Variants in PCDH15 observed in about 807,000 individuals in gnomAD.
PCDH15 encodes protocadherin-15.
PCDH15 carries 129 observed loss-of-function variants against 178.5 expected under a neutral mutation model. The observed-to-expected ratio is 0.72, with a 90% CI of 0.63 to 0.84. The LOEUF is 0.84. Among genes scored for constraint, PCDH15 ranks in the 40% least tolerant of loss-of-function variants. The pLI is 0.00. For synonymous variants in PCDH15, 800 were observed against 732.0 expected (o/e 1.09, Z -1.50); for missense variants, 2,230 against 2,099.9 (o/e 1.06, Z -1.21).
At chr10:53,949,706 A>G (rs371018360) in intron 23 of PCDH15, among the ~76,000 whole-genome samples, 136 of 152,064 alleles carry the variant, frequency 8.9e-4, no homozygotes, top group African/African-American at 3.2e-3. Flanking sequence ...CCTGGAAGAC[A>G]GAATGAGATC....
At chr10:54,199,570 C>CAATAAT (rs68082093) in intron 10 of PCDH15, among the ~76,000 whole-genome samples, 24,882 of 142,378 alleles carry the variant, frequency 0.17, 3,057 homozygotes, top group East Asian at 0.67. Context: ...ACAACAACAA[C>CAATAAT]AATAATAATA....
At chr10:53,925,845 GT>G (rs1485026662) in intron 25 of PCDH15, among the ~76,000 whole-genome samples, 1 of 152,034 alleles carries the variant, frequency 6.6e-6, no homozygotes, top group Non-Finnish European at 1.5e-5. Context: ...TCTTTGCCTG[GT>G]TTTCTCACTT....
chr10:54,336,711 C>A (rs1329947348), intron 6 of PCDH15, among the ~76,000 whole-genome samples: 1 of 152,190 alleles, frequency 6.6e-6, no homozygotes, highest in Admixed American at 6.5e-5. Context: ...TCATGGAGAA[C>A]CTCTGCTAGG....
chr10:55,073,108 A>G (rs905857166), intron 2 of PCDH15, among the ~76,000 whole-genome samples: 37 of 152,122 alleles, frequency 2.4e-4, no homozygotes, highest in African/African-American at 8.9e-4. Context: ...TCAAAATAAT[A>G]AGAGCTATCT....
At chr10:53,951,878 T>C (rs1320056607) in intron 23 of PCDH15, among the ~76,000 whole-genome samples, 1 of 152,158 alleles carries the variant, frequency 6.6e-6, no homozygotes, top group Non-Finnish European at 1.5e-5. Context: ...GGTCCACCAC[T>C]GTGCACAGCC....
At chr10:54,089,202 T>C (rs978882300) in intron 16 of PCDH15, among the ~76,000 whole-genome samples, 1 of 152,222 alleles carries the variant, frequency 6.6e-6, no homozygotes, top group African/African-American at 2.4e-5. Context: ...ATGCCCCACA[T>C]GTTCCTGAGT....
chr10:54,883,743 T>C (rs560493440), intron 3 of PCDH15, among the ~76,000 whole-genome samples: 4 of 151,628 alleles, frequency 2.6e-5, no homozygotes, highest in African/African-American at 9.7e-5. Flanking sequence ...ATGGTACATA[T>C]AATAACAAAC....
chr10:54,438,227 A>G (rs1201928354), intron 3 of PCDH15, among the ~76,000 whole-genome samples: 3 of 151,798 alleles, frequency 2.0e-5, no homozygotes, highest in African/African-American at 7.3e-5. Flanking sequence ...AATGGGGAAA[A>G]CAAGAATCAT....
chr10:55,581,669 A>C (rs1842616875), intron 2 of PCDH15, among the ~76,000 whole-genome samples: 1 of 152,192 alleles, frequency 6.6e-6, no homozygotes, highest in Non-Finnish European at 1.5e-5. Flanking sequence ...TGATGTATTA[A>C]GGTATATTAA....
At chr10:54,806,656 T>A (rs1465356492) in intron 3 of PCDH15, among the ~76,000 whole-genome samples, 2 of 152,080 alleles carry the variant, frequency 1.3e-5, no homozygotes, top group Admixed American at 6.6e-5. Flanking sequence ...GCTAATTTTT[T>A]TGTATTTTTA....
At chr10:54,448,270 A>G (rs182380619) in intron 3 of PCDH15, among the ~76,000 whole-genome samples, 26 of 151,874 alleles carry the variant, frequency 1.7e-4, no homozygotes, top group African/African-American at 4.8e-4. Context: ...TGTCTTATCT[A>G]TTGTCTATGT....
chr10:54,092,902 T>C (rs1339135512), intron 15 of PCDH15, among the ~76,000 whole-genome samples: 1 of 152,138 alleles, frequency 6.6e-6, no homozygotes, highest in Non-Finnish European at 1.5e-5. Context: ...GTGGTTGCTG[T>C]TTTAATTTTT....
intron 1 of PCDH15, among the ~76,000 whole-genome samples, chr10:54,688,874 T>C (rs2095063500): frequency 1.3e-5 from 2 of 152,264 alleles, no homozygotes; most frequent in South Asian, 4.1e-4. Flanking sequence ...CTTTACTTGT[T>C]CATTGTGTAT....
At chr10:55,616,527 A>AC (rs1843479608) in intron 2 of PCDH15, among the ~76,000 whole-genome samples, 1 of 139,370 alleles carries the variant, frequency 7.2e-6, no homozygotes, top group African/African-American at 2.5e-5. Context: ...AGCAAAAAAA[A>AC]AAAAAAGAGT....
At chr10:53,957,471 C>T (rs1377745514) in intron 23 of PCDH15, among the ~76,000 whole-genome samples, 1 of 150,234 alleles carries the variant, frequency 6.7e-6, no homozygotes, top group Admixed American at 6.7e-5. Context: ...AAGCCTGGAA[C>T]TTCAGATGAC....
chr10:54,662,708 GA>G (rs2094509883), intron 2 of PCDH15, among the ~76,000 whole-genome samples: 1 of 151,828 alleles, frequency 6.6e-6, no homozygotes, highest in African/African-American at 2.4e-5. Flanking sequence ...TGTCTAATGT[GA>G]AAAAAGACAG....
intron 1 of PCDH15, among the ~76,000 whole-genome samples, chr10:54,763,394 C>A (rs1948123467): frequency 6.6e-6 from 1 of 152,092 alleles, no homozygotes; most frequent in African/African-American, 2.4e-5. Context: ...AATGTAATAC[C>A]ACCTTGAAAA....
At chr10:55,339,760 C>T (rs921511596) in intron 2 of PCDH15, among the ~76,000 whole-genome samples, 1 of 151,864 alleles carries the variant, frequency 6.6e-6, no homozygotes, top group African/African-American at 2.4e-5. Context: ...ATTGGCCACT[C>T]GAGTCTAATT....
At chr10:54,293,659 C>T (rs369404376) in intron 8 of PCDH15, among the ~76,000 whole-genome samples, 45 of 152,116 alleles carry the variant, frequency 3.0e-4, no homozygotes, top group African/African-American at 1.0e-3. Context: ...TGGTCAAAGG[C>T]TATGAACAGA....
Sources: allele counts gnomAD v4.1 joint callset (sites outside exome capture counted in the v4.1 genomes callset), GRCh38; gene constraint gnomAD v4.1.1; transcripts MANE v1.5; gene names NCBI Gene and HGNC (gene_info 2026-07-23, HGNC 2026-07-21).